The following MAGI3 variants were observed in gnomAD, a reference collection of about 807,000 sequenced individuals.
MAGI3 encodes the protein membrane associated guanylate kinase, WW and PDZ domain containing 3.
MAGI3 carries 43 observed loss-of-function variants against 121.8 expected under a neutral mutation model. The observed-to-expected ratio is 0.35, with a 90% CI of 0.28 to 0.46. The LOEUF is 0.46. MAGI3 is among the 20% of genes least tolerant of loss of function. The pLI, the probability that MAGI3 is intolerant of heterozygous loss-of-function variation, is 1.00. For missense variants in MAGI3, 1,547 were observed against 1,797.3 expected (o/e 0.86, Z 2.52); for synonymous variants, 553 against 639.3 (o/e 0.86, Z 2.04).
At chr1:113,562,749 T>G (rs1398532951) in intron 2 of MAGI3, among the ~76,000 whole-genome samples, 1 of 152,162 alleles carries the variant, frequency 6.6e-6, no homozygotes, top group Non-Finnish European at 1.5e-5. Flanking sequence ...GGGCTTAATA[T>G]GTAGGTGATA....
At chr1:113,395,096 T>TTG (rs1651031971) in intron 1 of MAGI3, among the ~76,000 whole-genome samples, 1 of 140,560 alleles carries the variant, frequency 7.1e-6, no homozygotes, top group Non-Finnish European at 1.6e-5. Flanking sequence ...AGTTTTTTTT[T>TTG]TTTTTTTTTT....
chr1:113,391,267 T>C lies in MAGI3; in HGVS notation c.234T>C (p.Pro78=), dbSNP rs1176384085. The part of the protein sequence containing the change: ...GDVLLEVNGT[P]VSGLTNRDTL... The stretch of plus-strand genomic sequence containing the variant: ...TGCTGCTGGAGGTAAACGGGACGCC[T>C]GTCAGCGGGCTCACCAACCGGGACA... The change falls in exon 1 of 21, where the codon CCT becomes CCC. Residue 78 remains proline, a synonymous_variant. Coordinates refer to ENST00000307546, the MANE Select transcript of MAGI3 (RefSeq NM_001142782.2). This position sits in a 1 kb window ranked among gnomAD's most constrained non-coding sequence, Gnocchi z 4.4. The C allele has an allele frequency of 6.3e-7, 1 of 1,586,882 alleles. No homozygotes were observed. Among genetic ancestry groups the C allele is most frequent in the Non-Finnish European group, 8.6e-7 (1 of 1,167,598 alleles).
intron 1 of MAGI3, among the ~76,000 whole-genome samples, chr1:113,477,156 C>T (rs751530479): frequency 2.6e-5 from 4 of 152,080 alleles, no homozygotes; most frequent in Non-Finnish European, 5.9e-5. Context: ...ATACAGAACA[C>T]TGATGGGTCT....
At chr1:113,590,776 T>C in intron 5 of MAGI3, 118 bp downstream of exon 5, 1 of 895,498 alleles carries the variant, frequency 1.1e-6, no homozygotes, top group South Asian at 2.2e-5. Flanking sequence ...TTTTTCTTTC[T>C]TTAAAAATAT....
At chr1:113,451,622 G>A (rs529589600) in intron 1 of MAGI3, among the ~76,000 whole-genome samples, 34 of 152,140 alleles carry the variant, frequency 2.2e-4, no homozygotes, top group African/African-American at 7.7e-4. Flanking sequence ...CATCAATTAA[G>A]GAGGGAATTT....
intron 1 of MAGI3, among the ~76,000 whole-genome samples, chr1:113,493,909 G>A (rs182162392): frequency 2.2e-3 from 340 of 152,210 alleles, no homozygotes; most frequent in African/African-American, 7.6e-3. Context: ...ACACTTATAC[G>A]CTGTTGATGG....
In MAGI3 at chr1:113,683,570, A is replaced by G. The variant is rs368987666; in HGVS notation, c.4002A>G (p.Ser1334=). Reference sequence around the variant, plus strand: ...AGATCCCAGATGGGAAGGAAAAATCAGACGTCATCAGGAAAGATGCAAAGC... The same window carrying G: ...AGATCCCAGATGGGAAGGAAAAATCGGACGTCATCAGGAAAGATGCAAAGC... ...AEQIPDGKEK[S]DVIRKDAKQN... Residue 1334 remains serine (S), a synonymous_variant, in exon 21 of 21, where the codon TCA becomes TCG. Coordinates refer to ENST00000307546, the MANE Select transcript of MAGI3 (RefSeq NM_001142782.2). 6.2e-7 allele frequency: 1 copy of G among 1,613,900 alleles called. No individual in the cohort carries two copies. The highest frequency in any genetic ancestry group is 1.3e-5 in the African/African-American group (1 of 74,944).
In MAGI3 at chr1:113,683,096, A is replaced by T. The variant is rs777676148; in HGVS notation, c.3528A>T (p.Glu1176Asp). The T allele has an allele frequency of 4.3e-5, 70 of 1,613,236 alleles. No individual in the cohort carries two copies. Among genetic ancestry groups the T allele is most frequent in the Non-Finnish European group, 5.7e-5 (67 of 1,179,726 alleles). ...CTGAAAAGAAAAGCACTTTAAATGA[A>T]AATCAGCCTGAGATAAAGCATCAGT... is the stretch of plus-strand genomic sequence containing the variant. ...IVPEKKSTLN[E>D]NQPEIKHQSL... is the part of the protein sequence containing the mutation. The change falls in exon 21 of 21, where the codon GAA becomes GAT. Residue 1176 changes from glutamate to aspartate, a missense_variant. Coordinates refer to ENST00000307546, the MANE Select transcript of MAGI3 (RefSeq NM_001142782.2).
intron 9 of MAGI3, 121 bp downstream of exon 9, chr1:113,623,115 C>T: frequency 1.5e-6 from 1 of 688,618 alleles, no homozygotes; most frequent in Non-Finnish European, 2.1e-6. Flanking sequence ...GAAAGAGATT[C>T]CAGTATTAAA....
chr1:113,514,420 A>G (rs1348647854), intron 1 of MAGI3, among the ~76,000 whole-genome samples: 3 of 152,140 alleles, frequency 2.0e-5, no homozygotes, highest in Non-Finnish European at 2.9e-5. Flanking sequence ...TGTGGCACAT[A>G]TACACCATGG....
At chr1:113,467,318 A>T (rs1177680090) in intron 1 of MAGI3, among the ~76,000 whole-genome samples, 1 of 152,024 alleles carries the variant, frequency 6.6e-6, no homozygotes, top group Admixed American at 6.6e-5. Context: ...ACTTGATATG[A>T]TTTCTACTTT....
intron 1 of MAGI3, among the ~76,000 whole-genome samples, chr1:113,466,454 T>G (rs1301544474): frequency 6.6e-6 from 1 of 152,198 alleles, no homozygotes; most frequent in Non-Finnish European, 1.5e-5. Flanking sequence ...CTTCTTTTTT[T>G]GTTGTGTCCT....
At chr1:113,476,736 G>T (rs1017640021) in intron 1 of MAGI3, among the ~76,000 whole-genome samples, 6 of 152,166 alleles carry the variant, frequency 3.9e-5, no homozygotes, top group Non-Finnish European at 8.8e-5. Context: ...TGTCTATTAG[G>T]TCTGTTTGTT....
At chr1:113,660,157 A>T (rs1304696552) in intron 16 of MAGI3, among the ~76,000 whole-genome samples, 1 of 152,066 alleles carries the variant, frequency 6.6e-6, no homozygotes, top group African/African-American at 2.4e-5. Context: ...TCTGTTCAAG[A>T]TGCTATAGGG....
chr1:113,519,366 T>C (rs1448269454), intron 1 of MAGI3, among the ~76,000 whole-genome samples: 1 of 152,184 alleles, frequency 6.6e-6, no homozygotes, highest in Non-Finnish European at 1.5e-5. Flanking sequence ...TTGTAAAACA[T>C]AGTTCAAAGT....
At chr1:113,591,260 A>G (rs1215338709) in intron 5 of MAGI3, among the ~76,000 whole-genome samples, 1 of 152,142 alleles carries the variant, frequency 6.6e-6, no homozygotes, top group African/African-American at 2.4e-5. Context: ...TGTTTGTACT[A>G]GAGAATAATA....
rs542251132 is a variant in MAGI3 at position 113,621,924 on chromosome 1, G to A, written c.1172-882G>A. 2.0e-4 allele frequency among the ~76,000 whole-genome samples: 31 copies of A among 152,142 alleles called. No homozygotes were observed. In the East Asian group the frequency reaches 5.6e-3, roughly 27 times the overall value. Reference sequence around the variant, plus strand: ...ACATCTATACATGGATAGTAGATTCGTGGTTTCCTAAGGCTAGGATATGGA... The same window carrying A: ...ACATCTATACATGGATAGTAGATTCATGGTTTCCTAAGGCTAGGATATGGA... On this transcript the variant is annotated intron_variant, in intron 8 of 20. Transcript: ENST00000307546.
chr1:113,675,784 G>A (rs566522665), intron 19 of MAGI3, among the ~76,000 whole-genome samples: 33 of 152,306 alleles, frequency 2.2e-4, no homozygotes, highest in African/African-American at 6.5e-4. Context: ...AATACAGCTC[G>A]TCAAGAACTG....
At chr1:113,434,388 A>G (rs1032305186) in intron 1 of MAGI3, among the ~76,000 whole-genome samples, 1 of 152,150 alleles carries the variant, frequency 6.6e-6, no homozygotes, top group Non-Finnish European at 1.5e-5. Flanking sequence ...TGGACAACAT[A>G]GCGAGACCTT....
Sources: gnomAD v4.1 joint callset for allele counts (sites outside exome capture counted in the v4.1 genomes callset) on GRCh38, gnomAD v4.1.1 for gene constraint, Gnocchi (gnomAD v3.1) non-coding constraint, MANE v1.5 for transcripts, NCBI Gene and HGNC (gene_info 2026-07-23, HGNC 2026-07-21) for gene names.